The following LARGE1 variants were observed in gnomAD, a reference collection of about 807,000 sequenced individuals.
The protein encoded by LARGE1 is LARGE xylosyl- and glucuronyltransferase 1.
In LARGE1, 43 loss-of-function variants were observed where a neutral mutation model predicts 87.6. The observed-to-expected ratio is 0.49, with a 90% CI of 0.38 to 0.63. The LOEUF is 0.63. LARGE1 is among the 30% of genes least tolerant of loss of function. The pLI, the probability that LARGE1 is intolerant of heterozygous loss-of-function variation, is 0.00. For missense variants in LARGE1, 802 were observed against 1,000.2 expected, an observed-to-expected ratio of 0.80 and a Z score of 2.67; for synonymous variants, 434 against 394.6, an observed-to-expected ratio of 1.10 and a Z score of -1.18.
At chr22:33,759,924 G>A (rs1337193286) in intron 2 of LARGE1, among the ~76,000 whole-genome samples, 2 of 152,170 alleles carry the variant, frequency 1.3e-5, no homozygotes, top group Non-Finnish European at 2.9e-5. Context: ...CCTAAAGGGT[G>A]GGAACAGGGA....
chr22:33,803,978 G>A lies in LARGE1; in HGVS notation c.-82-42420C>T, dbSNP rs1001762282. ...CCAGATGCCAGCCAAAGCCAACCTC[G>A]TAAGCAGGCCTGTTGAAGGATGGCA... On this transcript the variant is annotated intron_variant, in intron 1 of 14. Transcript: ENST00000397394. 7.2e-5 allele frequency among the ~76,000 whole-genome samples: 11 copies of A among 152,174 alleles called. No homozygotes were observed. The East Asian group carries it at 7.7e-4, about 11-fold the overall frequency.
At chr22:33,700,644 C>G (rs1299637775) in intron 2 of LARGE1, among the ~76,000 whole-genome samples, 9 of 152,120 alleles carry the variant, frequency 5.9e-5, no homozygotes, top group Admixed American at 5.9e-4. Context: ...GATGGAGAGG[C>G]ACAGTCCCTC....
intron 2 of LARGE1, among the ~76,000 whole-genome samples, chr22:33,657,968 T>C (rs2081015990): frequency 6.6e-6 from 1 of 152,090 alleles, no homozygotes; most frequent in Non-Finnish European, 1.5e-5. Context: ...GGCACATGAT[T>C]TAACTAGTTC....
intron 9 of LARGE1, among the ~76,000 whole-genome samples, chr22:33,359,644 A>G (rs1011268740): frequency 6.7e-6 from 1 of 148,466 alleles, no homozygotes; most frequent in East Asian, 2.0e-4. Flanking sequence ...GCTCACTGCA[A>G]GCTCCGCCTC....
intron 3 of LARGE1, among the ~76,000 whole-genome samples, chr22:33,635,863 T>C (rs2080252119): frequency 1.3e-5 from 2 of 152,216 alleles, no homozygotes; most frequent in African/African-American, 4.8e-5. Context: ...GAACCATGGA[T>C]GCAAAGACAA....
At chr22:33,625,876 A>G (rs1012351253) in intron 4 of LARGE1, among the ~76,000 whole-genome samples, 6 of 152,222 alleles carry the variant, frequency 3.9e-5, no homozygotes, top group Non-Finnish European at 7.3e-5. Flanking sequence ...GGGCCTCACC[A>G]TAAGAATTGT....
At chr22:33,719,679 C>T (rs1169248396) in intron 2 of LARGE1, among the ~76,000 whole-genome samples, 2 of 151,998 alleles carry the variant, frequency 1.3e-5, no homozygotes, top group East Asian at 3.8e-4. Context: ...CACCACAACG[C>T]CTGGCTAATT....
chr22:33,801,899 T>C (rs960500390), intron 1 of LARGE1, among the ~76,000 whole-genome samples: 14 of 146,284 alleles, frequency 9.6e-5, no homozygotes. Context: ...AGAGTAAAGC[T>C]ATATACGCAC....
At chr22:33,752,439 C>T (rs985924329) in intron 2 of LARGE1, among the ~76,000 whole-genome samples, 1 of 152,128 alleles carries the variant, frequency 6.6e-6, no homozygotes, top group Middle Eastern at 3.2e-3. Flanking sequence ...AAACCTGCAA[C>T]AAAGAGCAGA....
intron 6 of LARGE1, among the ~76,000 whole-genome samples, chr22:33,451,306 C>T (rs561655294): frequency 7.2e-5 from 11 of 151,834 alleles, no homozygotes; most frequent in Admixed American, 2.6e-4. Flanking sequence ...TCTATATGCG[C>T]GTAGGTGACC....
the LARGE1 span, among the ~76,000 whole-genome samples, chr22:33,136,340 A>G: frequency 6.6e-6 from 1 of 152,192 alleles, no homozygotes; most frequent in African/African-American, 2.4e-5. Flanking sequence ...ATGGCAGCAG[A>G]CAAGAGAGAA....
At chr22:33,887,944 C>T (rs144203198) in intron 1 of LARGE1, among the ~76,000 whole-genome samples, 69 of 152,324 alleles carry the variant, frequency 4.5e-4, no homozygotes, top group African/African-American at 1.5e-3. Context: ...TGACCTAAAC[C>T]ACCACTTCCC....
chr22:33,340,534 T>G (rs1214885429), intron 9 of LARGE1, among the ~76,000 whole-genome samples: 1 of 151,838 alleles, frequency 6.6e-6, no homozygotes, highest in Non-Finnish European at 1.5e-5. Flanking sequence ...CAATGCTCCT[T>G]GGCAGACACC....
At chr22:33,719,778 C>T (rs937210543) in intron 2 of LARGE1, among the ~76,000 whole-genome samples, 9 of 152,230 alleles carry the variant, frequency 5.9e-5, no homozygotes, top group Admixed American at 4.6e-4. Context: ...CCTTGGCCTC[C>T]CAAAGTACTG....
At chr22:33,132,709 A>C in the LARGE1 span, among the ~76,000 whole-genome samples, 1 of 151,826 alleles carries the variant, frequency 6.6e-6, no homozygotes, top group Non-Finnish European at 1.5e-5. Context: ...GCAACCACAG[A>C]TTCTTTGGTC....
At chr22:33,828,928 C>A (rs2267298) in intron 1 of LARGE1, among the ~76,000 whole-genome samples, 85,432 of 151,386 alleles carry the variant, frequency 0.56, 24,343 homozygotes, top group South Asian at 0.68. Flanking sequence ...TCAATTATCT[C>A]AGAGGCTCGC....
intron 11 of LARGE1, among the ~76,000 whole-genome samples, chr22:33,252,728 A>T (rs1927068106): frequency 6.6e-6 from 1 of 152,242 alleles, no homozygotes; most frequent in Admixed American, 6.5e-5. Context: ...TCTTCCAAGC[A>T]ACATTCTTTT....
chr22:33,692,875 A>G (rs549400364), intron 2 of LARGE1, among the ~76,000 whole-genome samples: 9 of 152,228 alleles, frequency 5.9e-5, no homozygotes, highest in Non-Finnish European at 1.3e-4. Context: ...CTACCATTCA[A>G]ACCTGCAATC....
chr22:33,397,546 C>T (rs1404202311), intron 7 of LARGE1, among the ~76,000 whole-genome samples: 1 of 152,204 alleles, frequency 6.6e-6, no homozygotes, highest in African/African-American at 2.4e-5. Context: ...ATGCCATTGT[C>T]ATTTGTTCAT....
Sources: gnomAD v4.1 joint callset for allele counts (sites outside exome capture counted in the v4.1 genomes callset) on GRCh38, gnomAD v4.1.1 for gene constraint, MANE v1.5 for transcripts, NCBI Gene and HGNC (gene_info 2026-07-23, HGNC 2026-07-21) for gene names.